The following TBXAS1 variants were observed in gnomAD, a reference collection of about 807,000 sequenced individuals.
TBXAS1 encodes the protein thromboxane-A synthase.
Under a neutral mutation model 60.7 loss-of-function variants are expected in TBXAS1, and 48 were observed. That is an observed-to-expected ratio of 0.79 (90% confidence interval 0.63 to 1.01). The LOEUF (loss-of-function observed/expected upper bound fraction) is 1.01. TBXAS1 is among the 50% of genes least tolerant of loss of function. The pLI is 0.00. For missense variants in TBXAS1, 685 were observed against 686.3 expected (o/e 1.00, Z 0.02); for synonymous variants, 287 against 269.7 (o/e 1.06, Z -0.63).
intron 5 of TBXAS1, among the ~76,000 whole-genome samples, chr7:139,947,747 G>A (rs1028607863): frequency 2.6e-5 from 4 of 152,274 alleles, no homozygotes; most frequent in Non-Finnish European, 5.9e-5. Flanking sequence ...CAACCAATGT[G>A]AGAGGCGAGA....
chr7:139,965,804 A>T (rs1810742932), intron 9 of TBXAS1, among the ~76,000 whole-genome samples: 1 of 152,144 alleles, frequency 6.6e-6, no homozygotes, highest in Non-Finnish European at 1.5e-5. Flanking sequence ...GTTGCTTTGC[A>T]TAGCCTTGCA....
intron 1 of TBXAS1, among the ~76,000 whole-genome samples, chr7:139,848,820 A>G (rs934093945): frequency 1.3e-5 from 2 of 152,186 alleles, no homozygotes; most frequent in Non-Finnish European, 2.9e-5. Context: ...GGCACTGCAC[A>G]GTCATGGAGC....
At chr7:139,977,922 A>G (rs1477492410) in intron 9 of TBXAS1, among the ~76,000 whole-genome samples, 1 of 152,254 alleles carries the variant, frequency 6.6e-6, no homozygotes, top group Non-Finnish European at 1.5e-5. Flanking sequence ...GGATAAATTA[A>G]AAGTCTCCTA....
intron 1 of TBXAS1, among the ~76,000 whole-genome samples, chr7:139,830,458 T>C (rs1182120109): frequency 6.6e-6 from 1 of 152,240 alleles, no homozygotes; most frequent in African/African-American, 2.4e-5. Context: ...TGATGTTCTA[T>C]GATGATGAAA....
intron 5 of TBXAS1, among the ~76,000 whole-genome samples, chr7:139,947,412 T>TG (rs912728719): frequency 5.3e-5 from 8 of 151,842 alleles, no homozygotes; most frequent in African/African-American, 1.9e-4. Context: ...TGAGGCCTGT[T>TG]GGGGGAGGGG....
At chr7:139,850,884 C>A (rs1800170043) in intron 1 of TBXAS1, among the ~76,000 whole-genome samples, 1 of 152,140 alleles carries the variant, frequency 6.6e-6, no homozygotes, top group African/African-American at 2.4e-5. Context: ...GGAAGGAGCT[C>A]CCTTCGTGTC....
rs762830360 is a variant in TBXAS1 at position 139,829,415 on chromosome 7, T to C, written c.25T>C (p.Leu9=). ...GATGGAAGCCTTGGGGTTTCTAAAATTGGAAGTGAATGGCCCCATGGTGAC... is the reference window on the plus strand; with the variant it reads ...GATGGAAGCCTTGGGGTTTCTAAAACTGGAAGTGAATGGCCCCATGGTGAC... The part of the protein sequence containing the change: MEALGFLK[L]EVNGPMVTVA... The change falls in exon 1 of 13, where the codon TTG becomes CTG. Residue 9 remains leucine, a synonymous_variant. Coordinates refer to ENST00000448866, the MANE Select transcript of TBXAS1 (RefSeq NM_001061.7). 2 of 1,613,772 alleles carry C rather than the reference T, an allele frequency of 1.2e-6. No individual in the cohort carries two copies. The highest frequency in any genetic ancestry group is 1.7e-6 in the Non-Finnish European group (2 of 1,179,936).
chr7:139,878,097 T>C (rs931114954), intron 3 of TBXAS1, among the ~76,000 whole-genome samples: 1 of 127,984 alleles, frequency 7.8e-6, no homozygotes, highest in Non-Finnish European at 1.7e-5. Flanking sequence ...TATGAACTAG[T>C]TGTGTGTGTG....
intron 3 of TBXAS1, among the ~76,000 whole-genome samples, chr7:139,885,177 G>A (rs189164015): frequency 9.2e-5 from 14 of 152,314 alleles, no homozygotes; most frequent in African/African-American, 2.4e-4. Context: ...TGTATATCAC[G>A]TTCAAGGTGG....
rs1274004112 is a variant in TBXAS1 at position 139,936,210 on chromosome 7, A to C, written c.353A>C (p.Lys118Thr). Residue 118 changes from lysine to threonine, a missense_variant, in exon 5 of 13, where the codon AAG becomes ACG. Lys to Thr is a moderately conservative substitution (Grantham distance 78, BLOSUM62 -1). Transcript: ENST00000448866. Reference sequence around the variant, plus strand: ...CAACAGGCGTCGGGTTTGGAGTTCAAGTCGGTAGCCGACAGCGTTCTGTTT... The same window carrying C: ...CAACAGGCGTCGGGTTTGGAGTTCACGTCGGTAGCCGACAGCGTTCTGTTT... ...TNRMASGLEF[K>T]SVADSVLFLR... 1 of 1,614,236 alleles carries C rather than the reference A, an allele frequency of 6.2e-7. No individual in the cohort carries two copies. The highest frequency in any genetic ancestry group is 1.7e-5 in the Admixed American group (1 of 60,032).
intron 9 of TBXAS1, among the ~76,000 whole-genome samples, chr7:139,981,597 T>A (rs1331371196): frequency 6.6e-6 from 1 of 152,236 alleles, no homozygotes; most frequent in Non-Finnish European, 1.5e-5. Context: ...TGCACAGGGT[T>A]GATTGGTTGG....
At chr7:139,981,350 A>G (rs925501789) in intron 9 of TBXAS1, among the ~76,000 whole-genome samples, 1 of 152,198 alleles carries the variant, frequency 6.6e-6, no homozygotes, top group Admixed American at 6.5e-5. Context: ...TCCTGACCTC[A>G]GGTGATCCGC....
chr7:139,971,658 A>C (rs1302774343), intron 9 of TBXAS1, among the ~76,000 whole-genome samples: 6 of 151,970 alleles, frequency 3.9e-5, no homozygotes, highest in Non-Finnish European at 5.9e-5. Flanking sequence ...CTCAAAGCCC[A>C]TGCCCACAGT....
intron 4 of TBXAS1, among the ~76,000 whole-genome samples, chr7:139,796,502 G>A (rs73475980): frequency 0.016 from 2,429 of 152,320 alleles, 46 homozygotes; most frequent in African/African-American, 0.052. Flanking sequence ...GGATGAACAC[G>A]TGGAGCACAG....
At chr7:139,830,118 A>G (rs887057396) in intron 1 of TBXAS1, among the ~76,000 whole-genome samples, 3 of 152,010 alleles carry the variant, frequency 2.0e-5, no homozygotes, top group Non-Finnish European at 4.4e-5. Flanking sequence ...TCAACAGCAA[A>G]TTTTCCTAAG....
intron 9 of TBXAS1, among the ~76,000 whole-genome samples, chr7:139,970,648 T>C (rs190007861): frequency 6.6e-6 from 1 of 152,340 alleles, no homozygotes; most frequent in African/African-American, 2.4e-5. Flanking sequence ...ATTCACTTTA[T>C]TGAGTGGGAG....
At chr7:139,862,905 G>T (rs1801073010) in intron 1 of TBXAS1, among the ~76,000 whole-genome samples, 1 of 152,138 alleles carries the variant, frequency 6.6e-6, no homozygotes, top group African/African-American at 2.4e-5. Flanking sequence ...TATCCACAAA[G>T]TCTTAGCCTA....
At chr7:139,903,747 C>G (rs1426805042) in intron 3 of TBXAS1, among the ~76,000 whole-genome samples, 1 of 151,878 alleles carries the variant, frequency 6.6e-6, no homozygotes, top group African/African-American at 2.4e-5. Flanking sequence ...ATTTGTGTAT[C>G]TTCTTTTGAG....
At chr7:139,923,708 T>C (rs1288289321) in intron 4 of TBXAS1, among the ~76,000 whole-genome samples, 1 of 152,104 alleles carries the variant, frequency 6.6e-6, no homozygotes, top group Non-Finnish European at 1.5e-5. Context: ...TAAATTATTA[T>C]TGACTATAGT....
Sources: allele counts gnomAD v4.1 joint callset (sites outside exome capture counted in the v4.1 genomes callset), GRCh38; gene constraint gnomAD v4.1.1; transcripts MANE v1.5; gene names NCBI Gene and HGNC (gene_info 2026-07-23, HGNC 2026-07-21).